The following MMP26 variants were observed in gnomAD, a reference collection of about 807,000 sequenced individuals.
The protein encoded by MMP26 is matrix metallopeptidase 26.
In MMP26, 33 loss-of-function variants were observed where a neutral mutation model predicts 31.0. The ratio of observed to expected loss-of-function variants is 1.06; its 90% confidence interval spans 0.81 to 1.42. The LOEUF (loss-of-function observed/expected upper bound fraction) is 1.42, where lower values mean the gene tolerates loss of function less well. MMP26 is among the 40% of genes most tolerant of loss of function. The pLI is 0.00. For synonymous variants in MMP26, 122 were observed against 114.9 expected, an observed-to-expected ratio of 1.06 and a Z score of -0.40; for missense variants, 347 against 316.1, an observed-to-expected ratio of 1.10 and a Z score of -0.74.
At chr11:4,821,824 A>C in intron 2 of MMP26, 1 of 1,613,124 alleles carries the variant, frequency 6.2e-7, no homozygotes, top group Non-Finnish European at 8.5e-7. Context: ...ACTGAGATAC[A>C]CTACCATCCT....
intron 2 of MMP26, chr11:4,859,803 A>G: frequency 4.2e-6 from 2 of 471,506 alleles, no homozygotes; most frequent in Non-Finnish European, 8.8e-6. Flanking sequence ...TAAAAGGAAC[A>G]TAGAAGAGGA....
intron 2 of MMP26, among the ~76,000 whole-genome samples, chr11:4,964,549 C>A (rs182033184): frequency 3.3e-5 from 5 of 151,982 alleles, no homozygotes; most frequent in African/African-American, 1.2e-4. Context: ...ATCGTTCAAC[C>A]CAGCAATCCC....
intron 2 of MMP26, among the ~76,000 whole-genome samples, chr11:4,838,801 C>A (rs565985633): frequency 6.6e-6 from 1 of 152,276 alleles, no homozygotes; most frequent in East Asian, 1.9e-4. Context: ...CACAAGGACA[C>A]TGATTTAACA....
chr11:4,817,476 G>T (rs955795017), intron 2 of MMP26, among the ~76,000 whole-genome samples: 4 of 152,142 alleles, frequency 2.6e-5, no homozygotes, highest in African/African-American at 9.6e-5. Context: ...AGTCCAAGTT[G>T]CTAGGGATGC....
chr11:4,715,497 A>C (rs1210544660), intron 1 of MMP26, among the ~76,000 whole-genome samples: 1 of 152,154 alleles, frequency 6.6e-6, no homozygotes, highest in Non-Finnish European at 1.5e-5. Context: ...TTTTTGTCTT[A>C]TTCAAAAAAG....
At chr11:4,958,557 C>T (rs1428372823) in intron 2 of MMP26, among the ~76,000 whole-genome samples, 2 of 152,188 alleles carry the variant, frequency 1.3e-5, no homozygotes, top group Non-Finnish European at 2.9e-5. Context: ...TATCATGTCT[C>T]TATCAACCAT....
intron 2 of MMP26, among the ~76,000 whole-genome samples, chr11:4,801,400 C>T (rs753980950): frequency 6.6e-6 from 1 of 152,038 alleles, no homozygotes; most frequent in Non-Finnish European, 1.5e-5. Context: ...TTTGGTGAGG[C>T]CTCAGAAAGT....
intron 1 of MMP26, among the ~76,000 whole-genome samples, chr11:4,746,243 T>C (rs1031354104): frequency 2.6e-5 from 4 of 152,206 alleles, no homozygotes; most frequent in Non-Finnish European, 5.9e-5. Flanking sequence ...TTTCTTCCTA[T>C]TTCTATGTCA....
chr11:4,801,687 C>T (rs930263667), intron 2 of MMP26, among the ~76,000 whole-genome samples: 5 of 151,994 alleles, frequency 3.3e-5, no homozygotes, highest in African/African-American at 4.8e-5. Flanking sequence ...GGACTAGAGG[C>T]GTGCACCACC....
In MMP26 at chr11:4,952,020, A is replaced by G. The variant is rs1460251734; in HGVS notation, c.-144-36048A>G. 1.6e-5 allele frequency among the ~76,000 whole-genome samples: 2 copies of G among 123,684 alleles called. 1 individual carries two copies. The highest frequency in any genetic ancestry group is 5.5e-5 in the African/African-American group (2 of 36,476). The allele number at this position is 123,684 out of a possible 152,430, so 81.1% of individuals were successfully genotyped here. Reference sequence around the variant, plus strand: ...CAAGGTTCCTACAACTTTTAATTCAAGTCTGTCTGCTGTTATGATATTTTA... The same window carrying G: ...CAAGGTTCCTACAACTTTTAATTCAGGTCTGTCTGCTGTTATGATATTTTA... On this transcript the variant is annotated intron_variant, in intron 2 of 7. Coordinates refer to ENST00000380390, the MANE Select transcript of MMP26 (RefSeq NM_021801.5).
At chr11:4,711,310 T>A (rs78981067) in intron 1 of MMP26, 1 of 152,230 alleles carries the variant, frequency 6.6e-6, no homozygotes, top group Non-Finnish European at 1.5e-5. Flanking sequence ...CTTACTTGTG[T>A]ATATATTTCA....
chr11:4,734,722 T>A (rs1204229799), intron 1 of MMP26, among the ~76,000 whole-genome samples: 1 of 113,714 alleles, frequency 8.8e-6, no homozygotes, highest in Admixed American at 9.3e-5. Flanking sequence ...CTAACTTAAT[T>A]CCCCTGTGTC....
At chr11:4,710,779 A>G (rs1284074445) in intron 1 of MMP26, 1 of 207,998 alleles carries the variant, frequency 4.8e-6, no homozygotes, top group Non-Finnish European at 9.9e-6. Context: ...AAGCATGCAC[A>G]AGTAAAGTCA....
chr11:4,844,391 A>G (rs1394604109), intron 2 of MMP26, among the ~76,000 whole-genome samples: 1 of 152,196 alleles, frequency 6.6e-6, no homozygotes, highest in East Asian at 1.9e-4. Context: ...ATGGAAGAGG[A>G]AGGAATACTT....
intron 2 of MMP26, among the ~76,000 whole-genome samples, chr11:4,919,588 G>A (rs78430033): frequency 6.6e-6 from 1 of 152,116 alleles, no homozygotes; most frequent in Non-Finnish European, 1.5e-5. Flanking sequence ...TGAAGAATAT[G>A]GCAAGAGTTT....
intron 1 of MMP26, among the ~76,000 whole-genome samples, chr11:4,765,709 GAA>G (rs1050901146): frequency 2.0e-5 from 3 of 152,152 alleles, no homozygotes; most frequent in African/African-American, 7.2e-5. Context: ...GTGATTAGTG[GAA>G]AAGAGCTACC....
intron 2 of MMP26, among the ~76,000 whole-genome samples, chr11:4,856,011 C>G (rs569622722): frequency 6.6e-6 from 1 of 152,142 alleles, no homozygotes; most frequent in Non-Finnish European, 1.5e-5. Context: ...CCTTTACAGA[C>G]AAGCAAATGC....
rs550569502 is a variant in MMP26 at position 4,967,376 on chromosome 11, A to G, written c.-144-20692A>G. 1.3e-4 allele frequency among the ~76,000 whole-genome samples: 20 copies of G among 152,308 alleles called. No homozygotes were observed. In the South Asian group the frequency reaches 3.7e-3, roughly 28 times the overall value. On this transcript the variant is annotated intron_variant, in intron 2 of 7. Transcript: ENST00000380390. ...TCGCAATTAACTGCAAAGGCCTTAT[A>G]CGTTTTCTTTACCGAAACTTTTCAT... is the stretch of plus-strand genomic sequence containing the variant.
chr11:4,748,518 T>A (rs1001939109), intron 1 of MMP26, among the ~76,000 whole-genome samples: 2 of 149,312 alleles, frequency 1.3e-5, no homozygotes, highest in African/African-American at 5.0e-5. Flanking sequence ...ATATCCCTGA[T>A]GAATATAGAT....
Sources: allele counts gnomAD v4.1 joint callset (sites outside exome capture counted in the v4.1 genomes callset), GRCh38; gene constraint gnomAD v4.1.1; transcripts MANE v1.5; gene names NCBI Gene and HGNC (gene_info 2026-07-23, HGNC 2026-07-21).